Variants in NEB observed in about 807,000 individuals in gnomAD.
NEB encodes the protein nebulin.
A neutral mutation model predicts 952.2 loss-of-function variants in NEB; 512 were observed. That is an observed-to-expected ratio of 0.54 (90% CI 0.50 to 0.58). The LOEUF (loss-of-function observed/expected upper bound fraction) is 0.58. NEB is among the 20% of genes least tolerant of loss of function. NEB has a pLI of 0.00. For synonymous variants in NEB, 2,900 were observed against 3,149.8 expected (o/e 0.92, Z 2.66); for missense variants, 8,428 against 9,231.1 (o/e 0.91, Z 3.56).
At position 151,668,096 on chromosome 2, in the gene NEB, CTG is replaced by C. The variant is rs773635340; in HGVS notation, c.4612-187_4612-186del. Among the ~76,000 whole-genome samples the C allele has an allele frequency of 2.0e-5, 3 of 152,262 alleles. No individual in the cohort carries two copies. In the East Asian group the frequency reaches 5.8e-4, roughly 29 times the overall value. ...GATTTTATTTAAAAGGATCAGTAAA[CTG>C]TATACACAGTATAATCTCAACTGAT... On this transcript the variant is annotated intron_variant, in intron 39 of 181. Transcript: ENST00000397345.
At chr2:151,710,287 TA>T (rs2099740877) in intron 11 of NEB, 146 bp downstream of exon 11, 1 of 476,892 alleles carries the variant, frequency 2.1e-6, no homozygotes. Context: ...ATTTCTTTCT[TA>T]AAAGGAACTC....
chr2:151,667,734 T>A (rs1276954976), intron 40 of NEB, 70 bp downstream of exon 40: 2 of 1,211,082 alleles, frequency 1.7e-6, no homozygotes, highest in Non-Finnish European at 2.4e-6. Flanking sequence ...TCTTGCTATG[T>A]TGCCCAGGCT....
chr2:151,713,760 T>C (rs750771590), intron 10 of NEB, among the ~76,000 whole-genome samples: 1 of 152,146 alleles, frequency 6.6e-6, no homozygotes. Context: ...TGTTCATCTA[T>C]GTTAGAGCTA....
intron 10 of NEB, among the ~76,000 whole-genome samples, chr2:151,710,846 C>G (rs2099742930): frequency 6.6e-6 from 1 of 152,102 alleles, no homozygotes; most frequent in African/African-American, 2.4e-5. Context: ...CAGAAGTCAT[C>G]CTCTATTTAT....
chr2:151,640,152 A>C, intron 61 of NEB, 92 bp from the exon 62 acceptor site: 1 of 1,510,708 alleles, frequency 6.6e-7, no homozygotes, highest in Admixed American at 1.8e-5. Context: ...GCACTCTCAA[A>C]ATTTAGTTTG....
At chr2:151,509,673 G>T (rs1037024832) in intron 161 of NEB, among the ~76,000 whole-genome samples, 6 of 152,122 alleles carry the variant, frequency 3.9e-5, no homozygotes, top group Admixed American at 1.3e-4. Context: ...GTGTCTCCAG[G>T]CTAGAGTCCA....
In NEB at chr2:151,646,127, T is replaced by C; in HGVS notation, c.7536+3A>G. ...AAAACACATGCTGAATTTGAAAACT[T>C]ACATCACTTGTGTTGATTAAGTTTG... On this transcript the variant is annotated splice_donor_region_variant and intron_variant, in intron 55 of 181. Transcript: ENST00000397345. 6.4e-7 allele frequency: 1 copy of C among 1,568,826 alleles called. No individual in the cohort carries two copies. Among genetic ancestry groups the C allele is most frequent in the Non-Finnish European group, 8.7e-7 (1 of 1,153,708 alleles).
chr2:151,690,840 G>C lies in NEB; in HGVS notation c.2212-15C>G. ...TTGTAGGTATGCTAGAAAAGAAGAT[G>C]TTCTTTAATGAAATATCAGTATATT... On this transcript the variant is annotated splice_polypyrimidine_tract_variant and intron_variant, in intron 23 of 181. Transcript: ENST00000397345. The C allele has an allele frequency of 1.3e-6, 2 of 1,503,656 alleles. No individual in the cohort carries two copies. Among genetic ancestry groups the C allele is most frequent in the Non-Finnish European group, 1.8e-6 (2 of 1,098,758 alleles). 93.1% of individuals were successfully genotyped at this position (1,503,656 alleles called of 1,614,324 possible).
At chr2:151,687,352 T>C (rs947457902) in intron 27 of NEB, 67 bp downstream of exon 27, 12 of 1,363,040 alleles carry the variant, frequency 8.8e-6, no homozygotes, top group Middle Eastern at 4.1e-4. Flanking sequence ...TTTTCCACAC[T>C]ACTACCCTTG....
chr2:151,576,250 G>A lies in NEB; in HGVS notation c.16809C>T (p.Asp5603=), dbSNP rs1359484405. The change falls in exon 106 of 182, where the codon GAC becomes GAT. Residue 5603 remains aspartate, a synonymous_variant. Coordinates refer to ENST00000397345, the MANE Select transcript of NEB (RefSeq NM_001164508.2). ...TCACCACAGGCGTCCGATAGACACT[G>A]TCACAAAAGATATTCTGGGCGTTTT... The part of the protein sequence containing the change: ...RVKNAQNIFC[D]SVYRTPVVNL... The A allele has an allele frequency of 6.2e-7, 1 of 1,611,102 alleles. No homozygotes were observed. The highest frequency in any genetic ancestry group is 8.5e-7 in the Non-Finnish European group (1 of 1,178,114).
intron 135 of NEB, among the ~76,000 whole-genome samples, chr2:151,544,977 T>C (rs926647665): frequency 6.6e-6 from 1 of 152,238 alleles, no homozygotes; most frequent in African/African-American, 2.4e-5. Flanking sequence ...TTGGCAAACA[T>C]GCACATCTAT....
intron 105 of NEB, among the ~76,000 whole-genome samples, chr2:151,577,092 G>A (rs1167846440): frequency 6.6e-6 from 1 of 152,040 alleles, no homozygotes; most frequent in Non-Finnish European, 1.5e-5. Context: ...CAACAATAAT[G>A]GGCTTTCTAG....
At chr2:151,512,168 C>CTACAGGT (rs2074998151) in intron 161 of NEB, among the ~76,000 whole-genome samples, 1 of 151,596 alleles carries the variant, frequency 6.6e-6, no homozygotes, top group African/African-American at 2.4e-5. Flanking sequence ...GTAGCTGGGA[C>CTACAGGT]TACAGGTGCC....
chr2:151,546,661 C>G (rs547036219), intron 133 of NEB, among the ~76,000 whole-genome samples: 1 of 150,926 alleles, frequency 6.6e-6, no homozygotes, highest in African/African-American at 2.4e-5. Flanking sequence ...CGAGTTCAAG[C>G]GATTCTCCTG....
At chr2:151,614,237 T>TAAC (rs1252878694) in intron 77 of NEB, 39 bp downstream of exon 77, 2 of 1,595,198 alleles carry the variant, frequency 1.3e-6, no homozygotes, top group Non-Finnish European at 1.7e-6. Flanking sequence ...GTTAGAATGC[T>TAAC]TTTCTAAACC....
In NEB at chr2:151,672,577, A is replaced by G. The variant is rs772999290; in HGVS notation, c.4091T>C (p.Leu1364Pro). 4.3e-6 allele frequency: 7 copies of G among 1,614,026 alleles called. No individual in the cohort carries two copies. The South Asian group carries it at 6.6e-5, about 15-fold the overall frequency. Reference protein sequence around the residue: ...KLVHYMNVAKLQSDREYKKNY... With the variant: ...KLVHYMNVAKPQSDREYKKNY... ...CTTCTTGTATTCACGATCAGACTGC[A>G]GCTTTGCCACATTCATATAGTGGAC... The change falls in exon 37 of 182, where the codon CTG becomes CCG. Residue 1364 changes from leucine (L) to proline (P), a missense_variant. Physicochemically the swap from Leu to Pro is moderately conservative, Grantham distance 98. This residue lies in a region of NEB where 2,851 missense variants were observed against 2,791.5 expected (regional missense o/e 1.02). Transcript: ENST00000397345.
In NEB at chr2:151,583,441, G is replaced by A. The variant is rs1578549839; in HGVS notation, c.15975+14C>T. The A allele has an allele frequency of 7.4e-6, 2 of 269,176 alleles. No homozygotes were observed. Among genetic ancestry groups the A allele is most frequent in the Non-Finnish European group, 6.7e-6 (1 of 150,340 alleles). 16.7% of individuals were successfully genotyped at this position (269,176 alleles called of 1,614,324 possible). A position where few individuals can be genotyped will look rare whatever the true frequency, so the allele number is the denominator to read the frequency against. ...AATACACATCTCCCCGGGGTCTGGCGATAATATACGCACATCGCTCTGCAG... is the reference window on the plus strand; with the variant it reads ...AATACACATCTCCCCGGGGTCTGGCAATAATATACGCACATCGCTCTGCAG... On this transcript the variant is annotated intron_variant, in intron 101 of 181. Transcript: ENST00000397345.
At chr2:151,734,189 T>C (rs1299498530) in intron 1 of NEB, among the ~76,000 whole-genome samples, 5 of 152,040 alleles carry the variant, frequency 3.3e-5, no homozygotes, top group South Asian at 2.1e-4. Context: ...AAGCAATAAA[T>C]TGGTTAGCAA....
intron 71 of NEB, among the ~76,000 whole-genome samples, chr2:151,621,934 A>G (rs1200940991): frequency 2.0e-5 from 3 of 152,204 alleles, no homozygotes; most frequent in Non-Finnish European, 4.4e-5. Context: ...GTAGGAGCTC[A>G]TGGTGGTTTG....
Sources: allele counts gnomAD v4.1 joint callset (sites outside exome capture counted in the v4.1 genomes callset), GRCh38; gene constraint gnomAD v4.1.1; regional missense constraint gnomAD v4.1.1; transcripts MANE v1.5; gene names NCBI Gene and HGNC (gene_info 2026-07-23, HGNC 2026-07-21).